ABCA5: variants seen among roughly 807,000 people sequenced by gnomAD.
The protein encoded by ABCA5 is ATP binding cassette subfamily A member 5.
Under a neutral mutation model 206.0 loss-of-function variants are expected in ABCA5, and 163 were observed. That is an observed-to-expected ratio of 0.79 (90% CI 0.70 to 0.90). The LOEUF (loss-of-function observed/expected upper bound fraction) is 0.90. ABCA5 is among the 40% of genes least tolerant of loss of function. The pLI, the probability that ABCA5 is intolerant of heterozygous loss-of-function variation, is 0.00. For missense variants in ABCA5, 1,859 were observed against 1,912.9 expected, an observed-to-expected ratio of 0.97 and a Z score of 0.53; for synonymous variants, 609 against 613.8, an observed-to-expected ratio of 0.99 and a Z score of 0.11.
At chr17:69,298,805 AC>A (rs1270956985) in intron 9 of ABCA5, among the ~76,000 whole-genome samples, 1 of 152,240 alleles carries the variant, frequency 6.6e-6, no homozygotes, top group Non-Finnish European at 1.5e-5. Context: ...AGCAAATGCA[AC>A]AAAAACAAAG....
intron 9 of ABCA5, among the ~76,000 whole-genome samples, chr17:69,300,019 G>C (rs1273077701): frequency 6.6e-6 from 1 of 152,062 alleles, no homozygotes; most frequent in Non-Finnish European, 1.5e-5. Flanking sequence ...GATAGTTTCA[G>C]GATGATTCAA....
intron 1 of ABCA5, among the ~76,000 whole-genome samples, chr17:69,324,726 T>C (rs2075886570): frequency 1.3e-5 from 2 of 152,226 alleles, no homozygotes; most frequent in Admixed American, 1.3e-4. Flanking sequence ...AAAGTAATGT[T>C]ATACATTTCA....
intron 3 of ABCA5, among the ~76,000 whole-genome samples, chr17:69,310,591 T>C (rs2075758925): frequency 6.6e-6 from 1 of 152,228 alleles, no homozygotes; most frequent in African/African-American, 2.4e-5. Flanking sequence ...AAATCCAATA[T>C]TGCTTGTTCC....
In ABCA5 at chr17:69,249,961, T is replaced by G. The variant is rs1456433274; in HGVS notation, c.4709A>C (p.Lys1570Thr). ...GGACTGAACATCTTCCTTAGGAATT[T>G]TATAAGCCAAAATAGAAGAAAAACT... ...QESFSSILAY[K>T]IPKEDVQSLS... The change falls in exon 37 of 39, where the codon AAA becomes ACA. Residue 1570 changes from lysine (K) to threonine (T), a missense_variant. Lys to Thr is a moderately conservative substitution (Grantham distance 78). Coordinates refer to ENST00000392676, the MANE Select transcript of ABCA5 (RefSeq NM_172232.4). The G allele has an allele frequency of 2.0e-6, 3 of 1,494,472 alleles. No individual in the cohort carries two copies. The highest frequency in any genetic ancestry group is 4.6e-5 in the Admixed American group (2 of 43,024). The allele number at this position is 1,494,472 out of a possible 1,614,324, so 92.6% of individuals were successfully genotyped here.
At chr17:69,255,509 C>T in intron 31 of ABCA5, 34 bp downstream of exon 31, 1 of 1,244,438 alleles carries the variant, frequency 8.0e-7, no homozygotes, top group African/African-American at 1.5e-5. Context: ...ATATAAATCA[C>T]ATTCAACATA....
At position 69,291,239 on chromosome 17, in the gene ABCA5, CAA is replaced by C; in HGVS notation, c.1581_1582del (p.Cys528TrpfsTer7). ...ACCATCAGAAGGTGGGCAGAGTCCA[CAA>C]AGAATATTCATCAATGTACTCTTTC... On this transcript the variant is annotated frameshift_variant, in exon 12 of 39. Coordinates refer to ENST00000392676, the MANE Select transcript of ABCA5 (RefSeq NM_172232.4). LOFTEE classifies it high-confidence loss of function. The C allele has an allele frequency of 6.2e-7, 1 of 1,605,182 alleles. No homozygotes were observed. Among genetic ancestry groups the C allele is most frequent in the Non-Finnish European group, 8.5e-7 (1 of 1,174,802 alleles).
chr17:69,291,366 G>T, intron 11 of ABCA5, 40 bp from the exon 12 acceptor site: 1 of 1,291,306 alleles, frequency 7.7e-7, no homozygotes, highest in Non-Finnish European at 1.1e-6. Context: ...TAATTTTTAT[G>T]TCTGTTCAGC....
chr17:69,293,213 G>A (rs1031997981), intron 11 of ABCA5, among the ~76,000 whole-genome samples: 1 of 151,972 alleles, frequency 6.6e-6, no homozygotes, highest in African/African-American at 2.4e-5. Flanking sequence ...GGGGTTGGGG[G>A]ATTAGGGAAG....
intron 20 of ABCA5, among the ~76,000 whole-genome samples, chr17:69,273,197 T>C (rs1038863211): frequency 6.6e-6 from 1 of 151,978 alleles, no homozygotes; most frequent in Non-Finnish European, 1.5e-5. Flanking sequence ...ATTAGAGATA[T>C]TTATATTTAA....
Position 69,326,796 on chromosome 17 carries a change from C to T in ABCA5, c.-16+256G>A, listed in dbSNP as rs891721513. ...CGCAGGGCCCCGACCCCCTCACGTC[C>T]GCATCCTGGGCGCTCCCACCGCATC... is the stretch of plus-strand genomic sequence containing the variant. On this transcript the variant is annotated intron_variant, in intron 1 of 38. Transcript: ENST00000392676. The surrounding 1 kb of genome is among the most constrained non-coding windows in gnomAD (Gnocchi z 4.8). 1.5e-4 allele frequency among the ~76,000 whole-genome samples: 23 copies of T among 152,038 alleles called. No individual in the cohort carries two copies. Among genetic ancestry groups the T allele is most frequent in the Non-Finnish European group, 1.3e-4 (9 of 67,984 alleles).
chr17:69,283,864 A>G, intron 18 of ABCA5, 89 bp downstream of exon 18: 1 of 1,336,690 alleles, frequency 7.5e-7, no homozygotes, highest in Non-Finnish European at 1.0e-6. Context: ...TATTCTAAAA[A>G]AAATATAAAA....
intron 19 of ABCA5, among the ~76,000 whole-genome samples, chr17:69,277,436 T>A (rs1322132854): frequency 1.3e-5 from 2 of 152,148 alleles, no homozygotes; most frequent in Non-Finnish European, 2.9e-5. Flanking sequence ...GATGAGACAA[T>A]AAATGCTAGT....
At chr17:69,270,864 A>T (rs2075265366) in intron 21 of ABCA5, 114 bp from the exon 22 acceptor site, 1 of 970,812 alleles carries the variant, frequency 1.0e-6, no homozygotes, top group East Asian at 2.8e-5. Flanking sequence ...AAACTGCTTC[A>T]ACAACTCACA....
rs1203915444 is a variant in ABCA5, at chr17:69,262,487, T to C, written c.3316-739A>G. 2.6e-5 allele frequency among the ~76,000 whole-genome samples: 4 copies of C among 152,160 alleles called. No individual in the cohort carries two copies. In the South Asian group the frequency reaches 6.2e-4, roughly 24 times the overall value. ...TTTATAAGTGGGAACATGCAATAGT[T>C]GGTTTTCTGTTCCTTTGTTAATTCA... On this transcript the variant is annotated intron_variant, in intron 24 of 38. Coordinates refer to ENST00000392676, the MANE Select transcript of ABCA5 (RefSeq NM_172232.4).
At chr17:69,274,708 T>C (rs910755310) in intron 19 of ABCA5, among the ~76,000 whole-genome samples, 10 of 152,138 alleles carry the variant, frequency 6.6e-5, no homozygotes, top group African/African-American at 2.4e-4. Context: ...AGATCAGTGA[T>C]GCCCTTAAAT....
chr17:69,258,048 G>C (rs924016904), intron 28 of ABCA5, among the ~76,000 whole-genome samples: 2 of 152,080 alleles, frequency 1.3e-5, no homozygotes, highest in Non-Finnish European at 2.9e-5. Flanking sequence ...GGAATAAAGA[G>C]AAAGCTTTGA....
rs1298526668 is a variant in ABCA5, at chr17:69,287,595, A to G, written c.2041+18T>C. ...TGGCCCATGATCTCAGCCTTCGAAAATAAAACAAAAATCTCACCTGCAAGA... is the reference window on the plus strand; with the variant it reads ...TGGCCCATGATCTCAGCCTTCGAAAGTAAAACAAAAATCTCACCTGCAAGA... On this transcript the variant is annotated intron_variant, in intron 15 of 38. Coordinates refer to ENST00000392676, the MANE Select transcript of ABCA5 (RefSeq NM_172232.4). The G allele has an allele frequency of 9.4e-6, 15 of 1,602,704 alleles. No individual in the cohort carries two copies. Among genetic ancestry groups the G allele is most frequent in the Non-Finnish European group, 1.2e-5 (14 of 1,174,388 alleles).
chr17:69,299,338 A>G (rs993430314), intron 9 of ABCA5, among the ~76,000 whole-genome samples: 6 of 152,170 alleles, frequency 3.9e-5, no homozygotes, highest in African/African-American at 1.4e-4. Context: ...AAAAGAAGTC[A>G]TTATGTGAAA....
At chr17:69,322,631 C>CA (rs2075874048) in intron 1 of ABCA5, among the ~76,000 whole-genome samples, 1 of 151,986 alleles carries the variant, frequency 6.6e-6, no homozygotes, top group Non-Finnish European at 1.5e-5. Context: ...TCTCTTCCCC[C>CA]ACCTCCCCCG....
Sources: gnomAD v4.1 joint callset for allele counts (sites outside exome capture counted in the v4.1 genomes callset) on GRCh38, gnomAD v4.1.1 for gene constraint, Gnocchi (gnomAD v3.1) non-coding constraint, MANE v1.5 for transcripts, NCBI Gene and HGNC (gene_info 2026-07-23, HGNC 2026-07-21) for gene names.